THADA: variants seen among roughly 807,000 people sequenced by gnomAD.
THADA encodes the protein THADA armadillo repeat containing.
A neutral mutation model predicts 219.8 loss-of-function variants in THADA; 213 were observed. That is an observed-to-expected ratio of 0.97 (90% CI 0.87 to 1.09). The LOEUF (loss-of-function observed/expected upper bound fraction) is 1.09. Ranked by LOEUF, THADA falls within the 50% of genes least tolerant of loss-of-function variation. The pLI is 0.00. For missense variants in THADA, 2,956 were observed against 2,311.3 expected, an observed-to-expected ratio of 1.28 and a Z score of -5.72; for synonymous variants, 1,018 against 828.9, an observed-to-expected ratio of 1.23 and a Z score of -3.92.
chr2:43,248,188 GA>G (rs1669426909), intron 36 of THADA, among the ~76,000 whole-genome samples: 1 of 127,848 alleles, frequency 7.8e-6, no homozygotes, highest in Non-Finnish European at 1.6e-5. Flanking sequence ...GAGAGAGAGA[GA>G]GAGAGAGAGA....
chr2:43,288,800 A>G (rs1200166593), intron 34 of THADA, among the ~76,000 whole-genome samples: 1 of 152,248 alleles, frequency 6.6e-6, no homozygotes, highest in East Asian at 1.9e-4. Context: ...ACTGAGATAC[A>G]GTTTACATAC....
At chr2:43,473,046 G>A (rs955336944) in intron 26 of THADA, among the ~76,000 whole-genome samples, 1 of 152,058 alleles carries the variant, frequency 6.6e-6, no homozygotes, top group African/African-American at 2.4e-5. Context: ...GTACACTACT[G>A]GAGACTTTAT....
intron 10 of THADA, among the ~76,000 whole-genome samples, chr2:43,575,895 G>A (rs939522646): frequency 6.6e-6 from 1 of 152,114 alleles, no homozygotes; most frequent in Non-Finnish European, 1.5e-5. Flanking sequence ...GGGGAATGGG[G>A]CTTCTCTGTG....
intron 21 of THADA, among the ~76,000 whole-genome samples, chr2:43,532,294 T>C (rs990872146): frequency 2.7e-5 from 4 of 150,748 alleles, no homozygotes; most frequent in African/African-American, 9.8e-5. Context: ...GCGCCTGTAG[T>C]CCCAGCTACT....
intron 36 of THADA, among the ~76,000 whole-genome samples, chr2:43,276,710 T>A (rs758111238): frequency 2.6e-5 from 4 of 152,156 alleles, no homozygotes; most frequent in Admixed American, 2.6e-4. Flanking sequence ...CCCTTTGCCC[T>A]CTCCATTTCG....
Position 43,571,710 on chromosome 2 carries a change from T to C in THADA, c.2061A>G (p.Lys687=), listed in dbSNP as rs1292299774. The change falls in exon 13 of 38, where the codon AAA becomes AAG. Residue 687 remains lysine, a synonymous_variant. Coordinates refer to ENST00000405975, the MANE Select transcript of THADA (RefSeq NM_022065.5). ...GCCTTCTGATGGGAAATTCTACCTTTTTAAGAAGAGAACAGATCTGTTGCC... is the reference window on the plus strand; with the variant it reads ...GCCTTCTGATGGGAAATTCTACCTTCTTAAGAAGAGAACAGATCTGTTGCC... ...GVRQQICSLL[K]KLFCRIQESS... 2 of 1,607,044 alleles carry C rather than the reference T, an allele frequency of 1.2e-6. No individual in the cohort carries two copies. The highest frequency in any genetic ancestry group is 2.2e-5 in the East Asian group (1 of 44,810).
intron 4 of THADA, among the ~76,000 whole-genome samples, chr2:43,589,208 C>A (rs1701301363): frequency 6.6e-6 from 1 of 151,998 alleles, no homozygotes; most frequent in Non-Finnish European, 1.5e-5. Context: ...AACAGGCAAG[C>A]AGTGGAAGCA....
At chr2:43,505,946 A>C (rs945627620) in intron 23 of THADA, among the ~76,000 whole-genome samples, 1 of 152,182 alleles carries the variant, frequency 6.6e-6, no homozygotes, top group Non-Finnish European at 1.5e-5. Context: ...GTGAAGGTGA[A>C]ATCATGTCAT....
chr2:43,581,677 G>A, intron 8 of THADA, 64 bp downstream of exon 8: 1 of 1,409,246 alleles, frequency 7.1e-7, no homozygotes, highest in South Asian at 1.2e-5. Context: ...AGTAGGAAAA[G>A]CTGATTGACA....
intron 21 of THADA, among the ~76,000 whole-genome samples, chr2:43,529,127 A>T (rs1693547209): frequency 6.6e-6 from 1 of 151,956 alleles, no homozygotes; most frequent in Non-Finnish European, 1.5e-5. Context: ...TCCACACAAG[A>T]TTAGACAAAT....
intron 29 of THADA, among the ~76,000 whole-genome samples, chr2:43,390,989 T>A (rs891198622): frequency 2.1e-4 from 32 of 152,204 alleles, no homozygotes; most frequent in African/African-American, 7.7e-4. Flanking sequence ...CTTCAAACGA[T>A]CCTGGGCTTG....
chr2:43,280,835 A>T (rs565107146), intron 35 of THADA, among the ~76,000 whole-genome samples: 1 of 152,378 alleles, frequency 6.6e-6, no homozygotes, highest in South Asian at 2.1e-4. Context: ...TGTCCTGAGC[A>T]ATCAAAAGGA....
rs900889335 is a variant in THADA, at chr2:43,252,892, C to T, written c.5297-20010G>A. On this transcript the variant is annotated intron_variant, in intron 36 of 37. Transcript: ENST00000405975. The stretch of plus-strand genomic sequence containing the variant: ...ATCTCAGCTGGAATCTCCATGTCCT[C>T]TGGTAATTCTTTTCTTCCTATTCTG... Among the ~76,000 whole-genome samples, 7 of 152,326 alleles carry T rather than the reference C, an allele frequency of 4.6e-5. No individual in the cohort carries two copies. The South Asian group carries it at 8.3e-4, about 18-fold the overall frequency.
chr2:43,307,078 C>T (rs1193151776), intron 31 of THADA, among the ~76,000 whole-genome samples: 1 of 152,176 alleles, frequency 6.6e-6, no homozygotes, highest in Non-Finnish European at 1.5e-5. Flanking sequence ...ACTGTCCTTC[C>T]ACCATAAACA....
chr2:43,418,536 T>C (rs6739313), intron 28 of THADA, among the ~76,000 whole-genome samples: 46,180 of 152,026 alleles, frequency 0.3, 7,327 homozygotes, highest in Non-Finnish European at 0.35. Flanking sequence ...AAGAAGGCTG[T>C]TCAAACTTCA....
At chr2:43,326,241 G>C (rs1377555076) in intron 30 of THADA, among the ~76,000 whole-genome samples, 2 of 151,706 alleles carry the variant, frequency 1.3e-5, no homozygotes, top group Non-Finnish European at 2.9e-5. Flanking sequence ...GCTAGAGTAT[G>C]ATGGGTGCCC....
intron 29 of THADA, among the ~76,000 whole-genome samples, chr2:43,367,868 C>T (rs1286186731): frequency 1.3e-5 from 2 of 152,108 alleles, no homozygotes; most frequent in Admixed American, 6.5e-5. Context: ...CCTGTAATCC[C>T]AGCACTTCGG....
intron 12 of THADA, 31 bp downstream of exon 12, chr2:43,572,783 T>C (rs774971294): frequency 9.4e-5 from 150 of 1,603,614 alleles, no homozygotes; most frequent in Non-Finnish European, 1.3e-4. Flanking sequence ...ATCTACTGCA[T>C]GTACAAATCC....
chr2:43,479,720 A>G (rs1685958516), intron 26 of THADA, among the ~76,000 whole-genome samples: 1 of 152,168 alleles, frequency 6.6e-6, no homozygotes, highest in African/African-American at 2.4e-5. Context: ...CTACCTTCAT[A>G]GTTTTACGAC....
Sources: allele counts gnomAD v4.1 joint callset (sites outside exome capture counted in the v4.1 genomes callset), GRCh38; gene constraint gnomAD v4.1.1; transcripts MANE v1.5; gene names NCBI Gene and HGNC (gene_info 2026-07-23, HGNC 2026-07-21).